Variants in KCNIP4 observed in about 807,000 individuals in gnomAD.
KCNIP4 encodes the protein Kv channel-interacting protein 4.
A neutral mutation model predicts 34.0 loss-of-function variants in KCNIP4; 12 were observed. The observed-to-expected ratio is 0.35, with a 90% CI of 0.23 to 0.57. The LOEUF is 0.57. KCNIP4 is among the 20% of genes least tolerant of loss of function. KCNIP4 has a pLI of 0.83. For synonymous variants in KCNIP4, 124 were observed against 102.2 expected (o/e 1.21, Z -1.29); for missense variants, 238 against 311.7 (o/e 0.76, Z 1.78).
At chr4:21,115,198 C>T (rs1749583010) in intron 1 of KCNIP4, among the ~76,000 whole-genome samples, 1 of 152,122 alleles carries the variant, frequency 6.6e-6, no homozygotes, top group Non-Finnish European at 1.5e-5. Flanking sequence ...TATTAAACTC[C>T]CAGGCCATGT....
chr4:21,936,001 C>T (rs13109083), intron 1 of KCNIP4, among the ~76,000 whole-genome samples: 94,899 of 150,434 alleles, frequency 0.63, 30,356 homozygotes, highest in East Asian at 0.9. Context: ...TAGCTACACA[C>T]ACATAGTATA....
At chr4:21,870,765 A>G (rs1056432776) in intron 1 of KCNIP4, among the ~76,000 whole-genome samples, 5 of 152,138 alleles carry the variant, frequency 3.3e-5, no homozygotes, top group African/African-American at 4.8e-5. Flanking sequence ...CACCAACAAC[A>G]TATTATTGGA....
chr4:21,300,312 G>A (rs965810380), intron 1 of KCNIP4, among the ~76,000 whole-genome samples: 15 of 152,076 alleles, frequency 9.9e-5, no homozygotes, highest in African/African-American at 3.4e-4. Flanking sequence ...TTACTGTTGT[G>A]AAGTTTCAGG....
intron 1 of KCNIP4, among the ~76,000 whole-genome samples, chr4:21,241,502 G>C (rs1400682854): frequency 1.3e-5 from 2 of 152,170 alleles, no homozygotes; most frequent in East Asian, 3.9e-4. Flanking sequence ...GTGTAGGCAA[G>C]AGATGGAAAC....
At chr4:21,478,538 G>A (rs563923399) in intron 1 of KCNIP4, among the ~76,000 whole-genome samples, 1 of 152,084 alleles carries the variant, frequency 6.6e-6, no homozygotes, top group East Asian at 1.9e-4. Flanking sequence ...TGAAGAAAAC[G>A]TTTTGGCGCT....
chr4:21,901,856 C>A, intron 1 of KCNIP4, among the ~76,000 whole-genome samples: 1 of 151,984 alleles, frequency 6.6e-6, no homozygotes, highest in Non-Finnish European at 1.5e-5. Context: ...TGGGGAAGTT[C>A]CCATGTTCAG....
At chr4:21,341,518 A>G (rs1716761361) in intron 1 of KCNIP4, among the ~76,000 whole-genome samples, 1 of 152,118 alleles carries the variant, frequency 6.6e-6, no homozygotes, top group Admixed American at 6.6e-5. Flanking sequence ...GAGAAATGCT[A>G]ATCAAGTTTA....
intron 1 of KCNIP4, among the ~76,000 whole-genome samples, chr4:21,856,289 AT>A (rs1413373589): frequency 6.6e-6 from 1 of 152,236 alleles, no homozygotes; most frequent in African/African-American, 2.4e-5. Flanking sequence ...TCAGAGCTAC[AT>A]TTGAGGGATA....
At chr4:21,890,145 T>G (rs1049398611) in intron 1 of KCNIP4, among the ~76,000 whole-genome samples, 1 of 152,252 alleles carries the variant, frequency 6.6e-6, no homozygotes, top group South Asian at 2.1e-4. Context: ...ATGCACCGTA[T>G]GTTATAATTC....
At chr4:21,031,555 G>A (rs577626342) in intron 1 of KCNIP4, among the ~76,000 whole-genome samples, 1 of 152,224 alleles carries the variant, frequency 6.6e-6, no homozygotes, top group Non-Finnish European at 1.5e-5. Context: ...AAATCTCTGG[G>A]TGAATTTTGA....
chr4:21,350,141 A>G (rs1717865487), intron 1 of KCNIP4, among the ~76,000 whole-genome samples: 1 of 152,176 alleles, frequency 6.6e-6, no homozygotes, highest in Admixed American at 6.5e-5. Context: ...ATCATTAGTA[A>G]TAAATTATTT....
At chr4:21,647,967 G>A (rs192658762) in intron 1 of KCNIP4, among the ~76,000 whole-genome samples, 11 of 145,092 alleles carry the variant, frequency 7.6e-5, no homozygotes, top group Admixed American at 1.5e-4. Context: ...TCCATCTCCC[G>A]GGTTCACGCC....
At chr4:20,983,335 A>G (rs1736267218) in intron 1 of KCNIP4, among the ~76,000 whole-genome samples, 1 of 152,224 alleles carries the variant, frequency 6.6e-6, no homozygotes, top group Non-Finnish European at 1.5e-5. Context: ...TCAATTTCAT[A>G]TCAAAAGCTT....
At chr4:21,695,904 T>G (rs537834267) in intron 1 of KCNIP4, among the ~76,000 whole-genome samples, 1 of 152,146 alleles carries the variant, frequency 6.6e-6, no homozygotes, top group South Asian at 2.1e-4. Flanking sequence ...CACATCATCC[T>G]TACTTGAATG....
chr4:21,088,997 T>G (rs1746727603), intron 1 of KCNIP4, among the ~76,000 whole-genome samples: 1 of 152,236 alleles, frequency 6.6e-6, no homozygotes, highest in African/African-American at 2.4e-5. Flanking sequence ...TATTTCCTTA[T>G]GTGATATCAT....
intron 3 of KCNIP4, among the ~76,000 whole-genome samples, chr4:20,848,932 T>C (rs777197241): frequency 2.6e-5 from 4 of 152,162 alleles, no homozygotes; most frequent in Non-Finnish European, 4.4e-5. Flanking sequence ...TTGGCCCAGA[T>C]TGGTCTTTTA....
At chr4:21,112,993 A>T (rs1749354675) in intron 1 of KCNIP4, among the ~76,000 whole-genome samples, 1 of 152,230 alleles carries the variant, frequency 6.6e-6, no homozygotes, top group Non-Finnish European at 1.5e-5. Context: ...AACCCTTAGT[A>T]GAAAGTCTTC....
chr4:21,119,290 T>C (rs1433718847), intron 1 of KCNIP4, among the ~76,000 whole-genome samples: 3 of 151,972 alleles, frequency 2.0e-5, no homozygotes, highest in African/African-American at 7.2e-5. Flanking sequence ...TGCAAATGTC[T>C]TATTGAAATT....
intron 1 of KCNIP4, among the ~76,000 whole-genome samples, chr4:21,655,922 C>A (rs1747887445): frequency 6.6e-6 from 1 of 152,178 alleles, no homozygotes; most frequent in South Asian, 2.1e-4. Flanking sequence ...GGGTAGAGGA[C>A]AGTTTATCCT....
Sources: gnomAD v4.1 joint callset for allele counts (sites outside exome capture counted in the v4.1 genomes callset) on GRCh38, gnomAD v4.1.1 for gene constraint, MANE v1.5 for transcripts, NCBI Gene and HGNC (gene_info 2026-07-23, HGNC 2026-07-21) for gene names.